FRMPD1: variants seen among roughly 807,000 people sequenced by gnomAD.
The protein encoded by FRMPD1 is FERM and PDZ domain-containing protein 1.
Under a neutral mutation model 117.8 loss-of-function variants are expected in FRMPD1, and 76 were observed. The observed-to-expected ratio is 0.65, with a 90% CI of 0.54 to 0.78. FRMPD1 has a LOEUF of 0.78. Among genes scored for constraint, FRMPD1 ranks in the 30% least tolerant of loss-of-function variants. The probability of loss-of-function intolerance (pLI) is 0.00; values close to 1 mark genes in which losing one functional copy is unlikely to be tolerated. For synonymous variants in FRMPD1, 783 were observed against 770.4 expected, an observed-to-expected ratio of 1.02 and a Z score of -0.27; for missense variants, 1,786 against 1,964.5, an observed-to-expected ratio of 0.91 and a Z score of 1.72.
At chr9:37,620,777 C>T in the FRMPD1 span, among the ~76,000 whole-genome samples, 19 of 151,630 alleles carry the variant, frequency 1.3e-4, no homozygotes, top group East Asian at 3.7e-3. Flanking sequence ...ATCTTGTTTC[C>T]TGCTATTCCA....
At chr9:37,685,053 C>G (rs1821873049) in intron 1 of FRMPD1, among the ~76,000 whole-genome samples, 1 of 152,076 alleles carries the variant, frequency 6.6e-6, no homozygotes, top group African/African-American at 2.4e-5. Context: ...CGCACCCAGC[C>G]AAGATGTCTT....
the FRMPD1 span, among the ~76,000 whole-genome samples, chr9:37,634,999 C>G: frequency 6.6e-6 from 1 of 152,054 alleles, no homozygotes; most frequent in Non-Finnish European, 1.5e-5. Context: ...TCCACTTGAC[C>G]AATTGTTTGG....
intron 8 of FRMPD1, 98 bp from the exon 9 acceptor site, chr9:37,730,886 T>C: frequency 8.2e-7 from 1 of 1,212,250 alleles, no homozygotes; most frequent in South Asian, 1.3e-5. Context: ...CTCTGGGAAC[T>C]GTCTTTCACT....
chr9:37,678,331 G>A (rs923085285), intron 1 of FRMPD1, among the ~76,000 whole-genome samples: 3 of 140,220 alleles, frequency 2.1e-5, no homozygotes, highest in Non-Finnish European at 4.5e-5. Context: ...TGCAATCTCG[G>A]CTCACTGCAA....
At chr9:37,644,356 C>G in the FRMPD1 span, among the ~76,000 whole-genome samples, 9 of 152,232 alleles carry the variant, frequency 5.9e-5, no homozygotes, top group African/African-American at 1.9e-4. Flanking sequence ...TTCTCAGGCT[C>G]CTGGGCCTTT....
intron 1 of FRMPD1, among the ~76,000 whole-genome samples, chr9:37,678,324 A>T (rs2117900484): frequency 7.3e-6 from 1 of 137,154 alleles, no homozygotes; most frequent in East Asian, 2.2e-4. Flanking sequence ...GCAGTGGTGC[A>T]ATCTCGGCTC....
chr9:37,636,836 T>C, the FRMPD1 span: 2 of 1,611,982 alleles, frequency 1.2e-6, no homozygotes, highest in East Asian at 2.2e-5. Flanking sequence ...GGTGGCATTC[T>C]TGGCACTCGT....
rs1390104421 is a variant in FRMPD1 at position 37,717,377 on chromosome 9, A to G, written c.409-1692A>G. Among the ~76,000 whole-genome samples, 673 of 93,130 alleles carry G rather than the reference A, an allele frequency of 7.2e-3. 10 individuals carry two copies. Among genetic ancestry groups the G allele is most frequent in the African/African-American group, 0.026 (639 of 24,378 alleles). The allele number at this position is 93,130 out of a possible 152,430, so 61.1% of individuals were successfully genotyped here. A position where few individuals can be genotyped will look rare whatever the true frequency, so the allele number is the denominator to read the frequency against. ...TGTGTGTGTGTGTGTGTGTATATAT[A>G]TATATTTTTTTTTTTTTTTTGAGAT... On this transcript the variant is annotated intron_variant, in intron 5 of 15. Coordinates refer to ENST00000377765, the MANE Select transcript of FRMPD1 (RefSeq NM_014907.3).
At chr9:37,626,773 A>T in the FRMPD1 span, among the ~76,000 whole-genome samples, 1 of 152,044 alleles carries the variant, frequency 6.6e-6, no homozygotes, top group Non-Finnish European at 1.5e-5. Context: ...TGGGCAACAG[A>T]GAGAGCCCTG....
At chr9:37,664,296 T>C (rs193048995) in intron 1 of FRMPD1, among the ~76,000 whole-genome samples, 88 of 147,820 alleles carry the variant, frequency 6.0e-4, no homozygotes, top group Admixed American at 1.5e-3. Flanking sequence ...TATGTATGTA[T>C]GTATGTATGT....
At chr9:37,618,170 A>G in the FRMPD1 span, among the ~76,000 whole-genome samples, 1 of 152,248 alleles carries the variant, frequency 6.6e-6, no homozygotes, top group Non-Finnish European at 1.5e-5. Context: ...GGCAGGGACA[A>G]TACTGTGACT....
rs1824679957 is a variant in FRMPD1 at position 37,745,788 on chromosome 9, TG to T, written c.3757del (p.Glu1253SerfsTer17). 6.2e-7 allele frequency: 1 copy of T among 1,614,150 alleles called. No homozygotes were observed. Among genetic ancestry groups the T allele is most frequent in the Non-Finnish European group, 8.5e-7 (1 of 1,179,986 alleles). On this transcript the variant is annotated frameshift_variant, in exon 16 of 16. Coordinates refer to ENST00000377765, the MANE Select transcript of FRMPD1 (RefSeq NM_014907.3). LOFTEE classifies it high-confidence loss of function. ...DSPEWVCFNP[E>X]PSLPEPLPCP... ...GCCCTGAGTGGGTCTGTTTTAATCC[TG>T]AGCCTTCCCTGCCAGAACCACTACC...
chr9:37,710,406 C>G (rs1439220889), intron 4 of FRMPD1, among the ~76,000 whole-genome samples: 1 of 152,126 alleles, frequency 6.6e-6, no homozygotes. Context: ...GTTCTGGCCG[C>G]TAATATAAAG....
the FRMPD1 span, among the ~76,000 whole-genome samples, chr9:37,639,553 T>C: frequency 5.9e-5 from 9 of 152,196 alleles, no homozygotes; most frequent in Non-Finnish European, 1.2e-4. Context: ...GTAGAGCTTT[T>C]TGAAGGTCAG....
At chr9:37,699,575 C>T (rs1202844316) in intron 2 of FRMPD1, among the ~76,000 whole-genome samples, 1 of 152,112 alleles carries the variant, frequency 6.6e-6, no homozygotes, top group Non-Finnish European at 1.5e-5. Context: ...CCGCCTCAGC[C>T]TCCCAAAGTG....
At chr9:37,629,424 CATGGA>C in the FRMPD1 span, among the ~76,000 whole-genome samples, 2 of 152,308 alleles carry the variant, frequency 1.3e-5, no homozygotes, top group Middle Eastern at 3.4e-3. Context: ...GCTGCATGGT[CATGGA>C]GTGGAGTGGG....
the FRMPD1 span, among the ~76,000 whole-genome samples, chr9:37,630,777 G>A: frequency 6.6e-6 from 1 of 152,176 alleles, no homozygotes; most frequent in Non-Finnish European, 1.5e-5. Flanking sequence ...TAGGCATTCT[G>A]ACAAACTCAT....
chr9:37,685,372 A>G (rs10814598), intron 1 of FRMPD1, among the ~76,000 whole-genome samples: 15,539 of 152,114 alleles, frequency 0.1, 1,135 homozygotes, highest in East Asian at 0.38. Flanking sequence ...GGCTGGGCGC[A>G]GTGGCTCACG....
chr9:37,744,024 A>G (rs1176221779), intron 15 of FRMPD1, among the ~76,000 whole-genome samples: 1 of 151,932 alleles, frequency 6.6e-6, no homozygotes, highest in Non-Finnish European at 1.5e-5. Context: ...CCCCATCTCT[A>G]CTAAAAATAC....
Sources: allele counts gnomAD v4.1 joint callset (sites outside exome capture counted in the v4.1 genomes callset), GRCh38; gene constraint gnomAD v4.1.1; transcripts MANE v1.5; gene names NCBI Gene and HGNC (gene_info 2026-07-23, HGNC 2026-07-21).